ZFYVE26: variants seen among roughly 807,000 people sequenced by gnomAD.
ZFYVE26 encodes zinc finger FYVE domain-containing protein 26.
In ZFYVE26, 181 loss-of-function variants were observed where a neutral mutation model predicts 276.5. The observed-to-expected ratio is 0.65, with a 90% CI of 0.58 to 0.74. The LOEUF is 0.74. ZFYVE26 is among the 30% of genes least tolerant of loss of function. The pLI is 0.00. For missense variants in ZFYVE26, 2,821 were observed against 3,097.9 expected (o/e 0.91, Z 2.12); for synonymous variants, 1,129 against 1,203.1 (o/e 0.94, Z 1.27).
At chr14:67,803,980 A>C (rs2040127654) in intron 9 of ZFYVE26, 121 bp downstream of exon 9, 3 of 1,322,590 alleles carry the variant, frequency 2.3e-6, no homozygotes, top group Non-Finnish European at 3.3e-6. Context: ...TTTAGAGGAG[A>C]CCTCCTCACC....
At chr14:67,801,999 T>A (rs2040086662) in intron 10 of ZFYVE26, 80 bp downstream of exon 10, 1 of 1,510,128 alleles carries the variant, frequency 6.6e-7, no homozygotes, top group African/African-American at 1.4e-5. Context: ...CCAATCTTGG[T>A]GGAAGAGGGT....
chr14:67,795,546 C>T (rs1300070882), intron 12 of ZFYVE26, among the ~76,000 whole-genome samples: 1 of 152,180 alleles, frequency 6.6e-6, no homozygotes, highest in South Asian at 2.1e-4. Flanking sequence ...ACAAATTGTT[C>T]GAAGTCAAAA....
At position 67,748,632 on chromosome 14, in the gene ZFYVE26, G is replaced by A; in HGVS notation, c.7424C>T (p.Ala2475Val). The part of the protein sequence containing the change: ...AIHNDDNKVR[A>V]YLICCKLRSA... Reference sequence around the variant, plus strand: ...ACGCAGTTTGCAACATATCAGGTAGGCCCGAACCTGGCAGTCAGTTATAAG... The same window carrying A: ...ACGCAGTTTGCAACATATCAGGTAGACCCGAACCTGGCAGTCAGTTATAAG... The change falls in exon 42 of 42, where the codon GCC (alanine) becomes GTC (valine). Residue 2475 changes from alanine (A) to valine (V), a missense_variant. Physicochemically the swap from Ala to Val is moderately conservative, Grantham distance 64. Transcript: ENST00000347230. 1 of 1,613,924 alleles carries A rather than the reference G, an allele frequency of 6.2e-7. No individual in the cohort carries two copies.
chr14:67,802,726 A>G (rs2040103597), intron 9 of ZFYVE26, among the ~76,000 whole-genome samples: 1 of 152,200 alleles, frequency 6.6e-6, no homozygotes, highest in African/African-American at 2.4e-5. Flanking sequence ...ACTTGCATGT[A>G]AGAGCAGAGT....
chr14:67,802,334 G>T, intron 9 of ZFYVE26, 52 bp from the exon 10 acceptor site: 1 of 1,575,252 alleles, frequency 6.3e-7, no homozygotes, highest in Non-Finnish European at 8.7e-7. Flanking sequence ...AATTCAGGAT[G>T]CAAGTATGGG....
intron 27 of ZFYVE26, 143 bp downstream of exon 27, chr14:67,774,873 C>A: frequency 4.6e-6 from 3 of 648,356 alleles, no homozygotes; most frequent in Non-Finnish European, 5.4e-6. Context: ...ATATATAAAT[C>A]TGGAATGAAC....
chr14:67,780,299 A>G lies in ZFYVE26; in HGVS notation c.4616T>C (p.Leu1539Ser). 6.2e-7 allele frequency: 1 copy of G among 1,613,968 alleles called. No homozygotes were observed. The highest frequency in any genetic ancestry group is 8.5e-7 in the Non-Finnish European group (1 of 1,179,974). The part of the protein sequence containing the change: ...SPPVWCDWQT[L>S]RSCCVEDPST... ...TGGGTCCTCAACACAACAGCTCCTC[A>G]AGGTCTGCCAGTCACACCACACTGG... The change falls in exon 23 of 42, where the codon TTG becomes TCG. Residue 1539 changes from leucine to serine, a missense_variant. Transcript: ENST00000347230.
At chr14:67,759,244 GAAAA>G (rs1171265652) in intron 35 of ZFYVE26, among the ~76,000 whole-genome samples, 238 of 81,600 alleles carry the variant, frequency 2.9e-3, no homozygotes, top group African/African-American at 9.6e-3. Context: ...GACTCTGTCT[GAAAA>G]AAAAAAAAAA....
chr14:67,790,086 A>G (rs1347360037), intron 15 of ZFYVE26, among the ~76,000 whole-genome samples: 2 of 152,254 alleles, frequency 1.3e-5, no homozygotes, highest in Non-Finnish European at 1.5e-5. Flanking sequence ...AATGTGGAAC[A>G]AGATTCCAAC....
chr14:67,733,750 T>C, intron 13 of ZFYVE26: 1 of 1,611,776 alleles, frequency 6.2e-7, no homozygotes, highest in Non-Finnish European at 8.5e-7. Flanking sequence ...CTCCAGTGAC[T>C]GCAAGAGGAC....
chr14:67,766,833 G>A (rs1222483800), intron 31 of ZFYVE26, among the ~76,000 whole-genome samples: 1 of 152,024 alleles, frequency 6.6e-6, no homozygotes, highest in African/African-American at 2.4e-5. Flanking sequence ...CCAAGTAGTG[G>A]GGACCACAGC....
chr14:67,748,562 T>C lies in ZFYVE26; in HGVS notation c.7494A>G (p.Thr2498=), dbSNP rs2038549358. The change falls in exon 42 of 42, where the codon ACA becomes ACG. Residue 2498 remains threonine (T), a synonymous_variant. Transcript: ENST00000347230. ...CCTGCTGCACCTGCTGGACAAGGGC[T>C]GTGGCCCGTGAGTGTTCTTGCTTCA... ...IAVKQEHSRA[T]ALVQQVQQAA... is the part of the protein sequence containing the mutation. 1 of 1,614,168 alleles carries C rather than the reference T, an allele frequency of 6.2e-7. No homozygotes were observed. The highest frequency in any genetic ancestry group is 8.5e-7 in the Non-Finnish European group (1 of 1,180,036).
At chr14:67,795,710 C>T (rs754295208) in intron 12 of ZFYVE26, among the ~76,000 whole-genome samples, 36 of 151,978 alleles carry the variant, frequency 2.4e-4, no homozygotes, top group African/African-American at 8.0e-4. Flanking sequence ...CTGCATAATG[C>T]GCCTATATTA....
rs34041446 is a variant in ZFYVE26 at position 67,792,913 on chromosome 14, C to CAAAAAAAA, written c.2553+687_2553+694dup. Among the ~76,000 whole-genome samples, 337 of 55,724 alleles carry CAAAAAAAA rather than the reference C, an allele frequency of 6.0e-3. 8 individuals carry two copies. Among genetic ancestry groups the CAAAAAAAA allele is most frequent in the East Asian group, 0.013 (22 of 1,650 alleles). 36.6% of individuals were successfully genotyped at this position (55,724 alleles called of 152,430 possible). A position where few individuals can be genotyped will look rare whatever the true frequency, so the allele number is the denominator to read the frequency against. On this transcript the variant is annotated intron_variant, in intron 14 of 41. Coordinates refer to ENST00000347230, the MANE Select transcript of ZFYVE26 (RefSeq NM_015346.4). ...CTGGGTGACAAAAGCAAATCTGTCT[C>CAAAAAAAA]AAAAAAAAAAAAAAAAAAAAAGAAA...
chr14:67,812,298 C>T (rs183725750), intron 3 of ZFYVE26, among the ~76,000 whole-genome samples: 3 of 152,174 alleles, frequency 2.0e-5, no homozygotes, highest in African/African-American at 7.2e-5. Context: ...GCAGCTAAAT[C>T]TTTGTATAAT....
At chr14:67,770,244 A>G (rs942118103) in intron 28 of ZFYVE26, 1 of 170,162 alleles carries the variant, frequency 5.9e-6, no homozygotes, top group Non-Finnish European at 1.3e-5. Flanking sequence ...TGAGCGGATC[A>G]TCTGAGGTCA....
At chr14:67,807,230 C>A (rs1204108637) in intron 5 of ZFYVE26, among the ~76,000 whole-genome samples, 168 bp downstream of exon 5, 1 of 152,208 alleles carries the variant, frequency 6.6e-6, no homozygotes, top group Non-Finnish European at 1.5e-5. Flanking sequence ...CAGGCCTGAG[C>A]CACCATGCCA....
intron 13 of ZFYVE26, chr14:67,735,342 C>G (rs1422056017): frequency 1.8e-5 from 14 of 766,806 alleles, no homozygotes; most frequent in Non-Finnish European, 2.6e-5. Flanking sequence ...ACCATCTAGT[C>G]TGCTCAGCCT....
chr14:67,810,057 T>C (rs1351725446), intron 3 of ZFYVE26, among the ~76,000 whole-genome samples: 2 of 152,222 alleles, frequency 1.3e-5, no homozygotes, highest in African/African-American at 2.4e-5. Context: ...GTGCTGGGAT[T>C]ACAGGCGTGA....
Sources: allele counts gnomAD v4.1 joint callset (sites outside exome capture counted in the v4.1 genomes callset), GRCh38; gene constraint gnomAD v4.1.1; transcripts MANE v1.5; gene names NCBI Gene and HGNC (gene_info 2026-07-23, HGNC 2026-07-21).